Variants in ROBO1 observed in about 807,000 individuals in gnomAD.
ROBO1 encodes the protein roundabout homolog 1.
Under a neutral mutation model 195.9 loss-of-function variants are expected in ROBO1, and 149 were observed. The ratio of observed to expected loss-of-function variants is 0.76; its 90% CI spans 0.67 to 0.87. The LOEUF is 0.87. Ranked by LOEUF, ROBO1 falls within the 40% of genes least tolerant of loss-of-function variation. The pLI is 0.00. For missense variants in ROBO1, 1,933 were observed against 2,068.3 expected (o/e 0.93, Z 1.27); for synonymous variants, 816 against 733.2 (o/e 1.11, Z -1.82).
chr3:78,606,743 A>G lies in ROBO1; in HGVS notation c.4734T>C (p.His1578=). The G allele has an allele frequency of 6.2e-7, 1 of 1,613,610 alleles. No homozygotes were observed. Among genetic ancestry groups the G allele is most frequent in the Non-Finnish European group, 8.5e-7 (1 of 1,179,704 alleles). ...AKRDLPPAKT[H]LIQEDILPYC... ...TGATTGGATGAGTACCTTGGATGAGATGAGTCTTTGCTGGTGGAAGGTCTC... is the reference window on the plus strand; with the variant it reads ...TGATTGGATGAGTACCTTGGATGAGGTGAGTCTTTGCTGGTGGAAGGTCTC... Residue 1578 remains histidine, a synonymous_variant, in exon 29 of 31, where the codon CAT becomes CAC. Transcript: ENST00000464233.
chr3:79,672,021 A>T (rs1306307805), intron 1 of ROBO1, among the ~76,000 whole-genome samples: 1 of 151,950 alleles, frequency 6.6e-6, no homozygotes, highest in Non-Finnish European at 1.5e-5. Context: ...TTTCTCTAAG[A>T]TTCTCATTCA....
At chr3:79,749,370 A>C (rs1191556070) in intron 1 of ROBO1, among the ~76,000 whole-genome samples, 1 of 152,244 alleles carries the variant, frequency 6.6e-6, no homozygotes, top group African/African-American at 2.4e-5. Flanking sequence ...GAAAATTTGC[A>C]GCCTGACAAT....
intron 2 of ROBO1, among the ~76,000 whole-genome samples, chr3:79,321,026 A>T (rs190530264): frequency 1.1e-3 from 164 of 152,302 alleles, no homozygotes; most frequent in Admixed American, 2.8e-3. Flanking sequence ...CCCCAATATA[A>T]TATGTAACTA....
At chr3:79,279,999 A>G (rs1022850554) in intron 2 of ROBO1, among the ~76,000 whole-genome samples, 4 of 152,236 alleles carry the variant, frequency 2.6e-5, no homozygotes, top group Non-Finnish European at 4.4e-5. Context: ...CCAGAAATAG[A>G]AAGTTAAACA....
chr3:78,668,238 T>C lies in ROBO1; in HGVS notation c.1695A>G (p.Ser565=). The stretch of plus-strand genomic sequence containing the variant: ...TGCTGACATCTGTCACTTCAGGTTT[T>C]GATGGGGCACTAGGGATTAAATTTG... The part of the protein sequence containing the change: ...TDPNLIPSAP[S]KPEVTDVSRN... The change falls in exon 13 of 31, where the codon TCA becomes TCG. Residue 565 remains serine (S), a synonymous_variant. Coordinates refer to ENST00000464233, the MANE Select transcript of ROBO1 (RefSeq NM_002941.4). The C allele has an allele frequency of 6.2e-7, 1 of 1,613,950 alleles. No individual in the cohort carries two copies. The highest frequency in any genetic ancestry group is 8.5e-7 in the Non-Finnish European group (1 of 1,179,842).
intron 3 of ROBO1, among the ~76,000 whole-genome samples, chr3:79,056,205 G>A (rs1439224278): frequency 1.3e-5 from 2 of 152,042 alleles, no homozygotes; most frequent in Admixed American, 1.3e-4. Context: ...ATAATCAGGA[G>A]CCTGCAGCTT....
At chr3:79,052,040 G>A (rs773853324) in intron 3 of ROBO1, among the ~76,000 whole-genome samples, 5 of 152,070 alleles carry the variant, frequency 3.3e-5, no homozygotes, top group Non-Finnish European at 5.9e-5. Flanking sequence ...GGATAACAGC[G>A]ATTTTCAGGG....
chr3:79,337,231 G>A (rs917265799), intron 2 of ROBO1, among the ~76,000 whole-genome samples: 2 of 152,184 alleles, frequency 1.3e-5, no homozygotes, highest in Admixed American at 6.5e-5. Flanking sequence ...TTTGAAAGGT[G>A]AGGACATGAG....
At chr3:78,645,629 T>A (rs1706231850) in intron 21 of ROBO1, among the ~76,000 whole-genome samples, 1 of 152,082 alleles carries the variant, frequency 6.6e-6, no homozygotes, top group African/African-American at 2.4e-5. Context: ...TCATTTCAAT[T>A]AGAGGAGGGA....
intron 1 of ROBO1, among the ~76,000 whole-genome samples, chr3:79,740,952 A>G (rs1703617636): frequency 6.6e-6 from 1 of 152,206 alleles, no homozygotes; most frequent in Admixed American, 6.5e-5. Flanking sequence ...ATAGTTGTGA[A>G]ATACTATTTT....
At chr3:79,284,552 A>G (rs957829145) in intron 2 of ROBO1, among the ~76,000 whole-genome samples, 3 of 152,194 alleles carry the variant, frequency 2.0e-5, no homozygotes, top group Non-Finnish European at 4.4e-5. Flanking sequence ...TTATAGTCAA[A>G]ATACTTCGTA....
intron 30 of ROBO1, 72 bp from the exon 31 acceptor site, chr3:78,598,999 A>ATTT (rs1703006829): frequency 1.2e-6 from 1 of 823,516 alleles, no homozygotes; most frequent in East Asian, 2.8e-5. Context: ...ATTTATATGC[A>ATTT]TTTATTATTA....
intron 3 of ROBO1, among the ~76,000 whole-genome samples, chr3:79,046,376 T>C (rs944736083): frequency 6.6e-6 from 1 of 152,098 alleles, no homozygotes; most frequent in Admixed American, 6.6e-5. Context: ...TGCAGCTTTG[T>C]GAGAGACCCG....
chr3:79,034,332 A>T (rs558084704), intron 3 of ROBO1, among the ~76,000 whole-genome samples: 1 of 152,278 alleles, frequency 6.6e-6, no homozygotes, highest in East Asian at 1.9e-4. Context: ...ATTCACAGAG[A>T]TGAAAAACGT....
intron 4 of ROBO1, among the ~76,000 whole-genome samples, chr3:78,840,559 G>A (rs1474594043): frequency 2.6e-5 from 4 of 152,084 alleles, no homozygotes; most frequent in African/African-American, 9.7e-5. Context: ...GGTCGCATTT[G>A]CAAGCCATGT....
At chr3:79,108,073 G>A (rs537061825) in intron 3 of ROBO1, among the ~76,000 whole-genome samples, 12 of 151,778 alleles carry the variant, frequency 7.9e-5, no homozygotes, top group Middle Eastern at 6.8e-3. Flanking sequence ...CTAATGTTTT[G>A]CTTTTAATTG....
intron 2 of ROBO1, among the ~76,000 whole-genome samples, chr3:79,333,239 A>T (rs573319801): frequency 2.0e-5 from 3 of 151,628 alleles, no homozygotes; most frequent in Admixed American, 1.3e-4. Flanking sequence ...AAAAAAATCA[A>T]TTATGATCAC....
chr3:79,112,044 C>T (rs939835088), intron 3 of ROBO1, among the ~76,000 whole-genome samples: 3 of 152,086 alleles, frequency 2.0e-5, no homozygotes, highest in Admixed American at 6.5e-5. Flanking sequence ...ACAATAATAT[C>T]TTGGCTATAT....
intron 3 of ROBO1, among the ~76,000 whole-genome samples, chr3:79,008,888 C>CGTGTGTGTGTGTGTGTGTGTGT (rs375134341): frequency 2.5e-5 from 3 of 121,228 alleles, no homozygotes; most frequent in African/African-American, 6.4e-5. Flanking sequence ...TGCACCCAGC[C>CGTGTGTGTGTGTGTGTGTGTGT]GTGTGTGTGT....
Sources: gnomAD v4.1 joint callset for allele counts (sites outside exome capture counted in the v4.1 genomes callset) on GRCh38, gnomAD v4.1.1 for gene constraint, MANE v1.5 for transcripts, NCBI Gene and HGNC (gene_info 2026-07-23, HGNC 2026-07-21) for gene names.